The following CNTNAP5 variants were observed in gnomAD, a reference collection of about 807,000 sequenced individuals.
CNTNAP5 encodes the protein contactin associated protein family member 5.
In CNTNAP5, 72 loss-of-function variants were observed where a neutral mutation model predicts 150.2. The ratio of observed to expected loss-of-function variants is 0.48; its 90% CI spans 0.40 to 0.58. The LOEUF (loss-of-function observed/expected upper bound fraction) is 0.58, where lower values mean the gene tolerates loss of function less well. CNTNAP5 is among the 20% of genes least tolerant of loss of function. The pLI is 0.00. For synonymous variants in CNTNAP5, 672 were observed against 619.8 expected, an observed-to-expected ratio of 1.08 and a Z score of -1.25; for missense variants, 1,636 against 1,626.2, an observed-to-expected ratio of 1.01 and a Z score of -0.10.
chr2:124,231,054 C>A (rs1171548127), intron 2 of CNTNAP5, among the ~76,000 whole-genome samples: 1 of 152,152 alleles, frequency 6.6e-6, no homozygotes. Flanking sequence ...GGGACATCCA[C>A]CAGGAGCTTG....
At chr2:124,424,872 G>A (rs746358637) in intron 4 of CNTNAP5, among the ~76,000 whole-genome samples, 11 of 152,174 alleles carry the variant, frequency 7.2e-5, no homozygotes, top group Non-Finnish European at 1.5e-4. Flanking sequence ...TCTTTGGCAA[G>A]GCTTGCAAAG....
At chr2:124,812,324 A>G (rs906800497) in intron 19 of CNTNAP5, among the ~76,000 whole-genome samples, 1 of 150,318 alleles carries the variant, frequency 6.7e-6, no homozygotes, top group Admixed American at 6.7e-5. Context: ...CCTAGAGCAC[A>G]CATATGGAAA....
intron 1 of CNTNAP5, among the ~76,000 whole-genome samples, chr2:124,199,271 T>C (rs958597608): frequency 2.0e-5 from 3 of 152,146 alleles, no homozygotes; most frequent in African/African-American, 7.2e-5. Context: ...TAGATCTATT[T>C]AGGGAACATC....
rs541588011 is a variant in CNTNAP5, at chr2:124,400,611, T to C, written c.382-16832T>C. Among the ~76,000 whole-genome samples, 137 of 151,212 alleles carry C rather than the reference T, an allele frequency of 9.1e-4. 2 individuals carry two copies. Among genetic ancestry groups the C allele is most frequent in the Admixed American group, 1.9e-3 (29 of 15,222 alleles). ...TACTCCCATGCTCTAGTTCCCTACC[T>C]CATTGGCAAGAAAGTTGAAAAAGAT... On this transcript the variant is annotated intron_variant, in intron 3 of 23. Coordinates refer to ENST00000682447, the MANE Select transcript of CNTNAP5 (RefSeq NM_001367498.1).
chr2:124,272,375 T>C (rs1687781050), intron 3 of CNTNAP5, among the ~76,000 whole-genome samples: 1 of 152,204 alleles, frequency 6.6e-6, no homozygotes, highest in Admixed American at 6.5e-5. Context: ...ATTGAAATGC[T>C]CTTTAATAGA....
intron 1 of CNTNAP5, among the ~76,000 whole-genome samples, chr2:124,212,028 A>T (rs1183836218): frequency 1.3e-5 from 2 of 152,206 alleles, no homozygotes; most frequent in Non-Finnish European, 2.9e-5. Flanking sequence ...ACGTTCTAGA[A>T]GAGAAACTCT....
rs368547673 is a variant in CNTNAP5 at position 124,111,664 on chromosome 2, T to G, written c.82+85932T>G. 9.2e-5 allele frequency among the ~76,000 whole-genome samples: 14 copies of G among 152,290 alleles called. No individual in the cohort carries two copies. The East Asian group carries it at 2.5e-3, about 27-fold the overall frequency. The stretch of plus-strand genomic sequence containing the variant: ...GTGGTCACAAAAGGGAATATCAAAC[T>G]TTCAAAACTCGAAGGCCCAAGGCAA... On this transcript the variant is annotated intron_variant, in intron 1 of 23. Transcript: ENST00000682447.
chr2:124,706,791 GAAGA>G (rs1558742977), intron 13 of CNTNAP5, among the ~76,000 whole-genome samples: 40 of 31,300 alleles, frequency 1.3e-3, no homozygotes, highest in Middle Eastern at 0.024. Context: ...AGAAGAAGAA[GAAGA>G]AGGAGGAGGA....
intron 10 of CNTNAP5, among the ~76,000 whole-genome samples, chr2:124,538,847 T>C (rs940311445): frequency 6.6e-6 from 1 of 152,214 alleles, no homozygotes; most frequent in African/African-American, 2.4e-5. Context: ...GATTCCTTGG[T>C]ATTGATTCCT....
intron 1 of CNTNAP5, among the ~76,000 whole-genome samples, chr2:124,192,290 C>T (rs928354551): frequency 6.6e-6 from 1 of 152,166 alleles, no homozygotes; most frequent in Non-Finnish European, 1.5e-5. Context: ...TCTGCTACCA[C>T]AGTTGGCCTC....
chr2:124,186,567 A>G (rs1001314605), intron 1 of CNTNAP5, among the ~76,000 whole-genome samples: 5 of 152,206 alleles, frequency 3.3e-5, no homozygotes, highest in Non-Finnish European at 4.4e-5. Context: ...CTTATTAAGT[A>G]TAACATCAAA....
At chr2:124,640,339 T>C (rs1678064186) in intron 12 of CNTNAP5, among the ~76,000 whole-genome samples, 1 of 152,198 alleles carries the variant, frequency 6.6e-6, no homozygotes, top group Non-Finnish European at 1.5e-5. Context: ...GCCAAGTATG[T>C]TGTCTGGAAG....
intron 3 of CNTNAP5, among the ~76,000 whole-genome samples, chr2:124,380,248 C>T (rs1378107455): frequency 6.6e-6 from 1 of 151,858 alleles, no homozygotes; most frequent in Admixed American, 6.6e-5. Context: ...TTTTAAAAGC[C>T]ATCTTATAGA....
At chr2:124,665,506 A>C (rs1181895354) in intron 13 of CNTNAP5, among the ~76,000 whole-genome samples, 1 of 152,218 alleles carries the variant, frequency 6.6e-6, no homozygotes, top group East Asian at 1.9e-4. Flanking sequence ...AAAGCAAAGC[A>C]AATTTTCAAA....
intron 3 of CNTNAP5, among the ~76,000 whole-genome samples, chr2:124,319,159 A>G (rs753907648): frequency 2.5e-4 from 38 of 152,234 alleles, no homozygotes; most frequent in Non-Finnish European, 4.4e-4. Flanking sequence ...CAAGATACCT[A>G]TAAAGGTTCT....
At chr2:124,062,017 C>A in intron 1 of CNTNAP5, among the ~76,000 whole-genome samples, 1 of 152,142 alleles carries the variant, frequency 6.6e-6, no homozygotes, top group East Asian at 1.9e-4. Flanking sequence ...GATTTTTCAT[C>A]TCTTACTTGG....
intron 11 of CNTNAP5, among the ~76,000 whole-genome samples, chr2:124,579,607 C>A (rs1696366527): frequency 6.6e-6 from 1 of 152,216 alleles, no homozygotes; most frequent in Admixed American, 6.5e-5. Context: ...TAATAGTAGT[C>A]TCCCTGGTGC....
chr2:124,896,023 G>A (rs892649678), intron 21 of CNTNAP5, among the ~76,000 whole-genome samples: 2 of 151,494 alleles, frequency 1.3e-5, no homozygotes, highest in African/African-American at 2.4e-5. Context: ...TGTGGCAACC[G>A]GGCTTGCATT....
chr2:124,742,651 C>CATAT (rs60303111), intron 13 of CNTNAP5, among the ~76,000 whole-genome samples: 35 of 97,254 alleles, frequency 3.6e-4, no homozygotes, highest in Non-Finnish European at 8.3e-4. Flanking sequence ...CACACACACA[C>CATAT]ATATATATAT....
Sources: gnomAD v4.1 joint callset for allele counts (sites outside exome capture counted in the v4.1 genomes callset) on GRCh38, gnomAD v4.1.1 for gene constraint, MANE v1.5 for transcripts, NCBI Gene and HGNC (gene_info 2026-07-23, HGNC 2026-07-21) for gene names.